Variants in PTPRD observed in about 807,000 individuals in gnomAD.
PTPRD encodes the protein protein tyrosine phosphatase receptor type D, also known as receptor-type tyrosine-protein phosphatase delta.
A neutral mutation model predicts 214.5 loss-of-function variants in PTPRD; 34 were observed. That is an observed-to-expected ratio of 0.16 (90% CI 0.12 to 0.21). PTPRD has a LOEUF of 0.21. Among genes scored for constraint, PTPRD ranks in the 10% least tolerant of loss-of-function variants. PTPRD has a pLI of 1.00. For missense variants in PTPRD, 2,545 were observed against 2,398.7 expected, an observed-to-expected ratio of 1.06 and a Z score of -1.27; for synonymous variants, 1,128 against 845.7, an observed-to-expected ratio of 1.33 and a Z score of -5.79.
intron 26 of PTPRD, among the ~76,000 whole-genome samples, chr9:8,493,258 T>C (rs1001606808): frequency 2.0e-5 from 3 of 152,328 alleles, no homozygotes; most frequent in East Asian, 1.9e-4. Flanking sequence ...TAAACTTGCA[T>C]GTCCTTACTA....
chr9:10,559,936 T>C (rs1205612658), intron 2 of PTPRD, among the ~76,000 whole-genome samples: 2 of 152,052 alleles, frequency 1.3e-5, no homozygotes, highest in South Asian at 2.1e-4. Context: ...TATGGAGAAA[T>C]AGGAACACTT....
rs369644814 is a variant in PTPRD, at chr9:9,214,749, A to C, written c.-202-31386T>G. Among the ~76,000 whole-genome samples the C allele has an allele frequency of 2.0e-5, 3 of 152,304 alleles. No individual in the cohort carries two copies. The East Asian group carries it at 5.8e-4, about 29-fold the overall frequency. ...TGCAAAGATACATTATAAAAATAATATTCATACGTACATTTACATAGTGCC... is the reference window on the plus strand; with the variant it reads ...TGCAAAGATACATTATAAAAATAATCTTCATACGTACATTTACATAGTGCC... On this transcript the variant is annotated intron_variant, in intron 9 of 45. Transcript: ENST00000381196.
chr9:9,951,123 G>T (rs2093414913), intron 4 of PTPRD, among the ~76,000 whole-genome samples: 1 of 152,146 alleles, frequency 6.6e-6, no homozygotes, highest in Non-Finnish European at 1.5e-5. Context: ...GATGTAGGAG[G>T]AGGGTGAAAT....
At chr9:9,883,970 T>C (rs73400654) in intron 5 of PTPRD, among the ~76,000 whole-genome samples, 1 of 152,156 alleles carries the variant, frequency 6.6e-6, no homozygotes, top group South Asian at 2.1e-4. Context: ...TTTCTTCCTT[T>C]TTTTTAAAGT....
chr9:9,913,501 T>G (rs986115701), intron 5 of PTPRD, among the ~76,000 whole-genome samples: 1 of 152,076 alleles, frequency 6.6e-6, no homozygotes, highest in Non-Finnish European at 1.5e-5. Flanking sequence ...AATAAACAGC[T>G]AAGATTGGAC....
intron 9 of PTPRD, among the ~76,000 whole-genome samples, chr9:9,305,197 T>G (rs889773861): frequency 6.6e-6 from 1 of 151,892 alleles, no homozygotes; most frequent in African/African-American, 2.4e-5. Context: ...TTTTCCAAAA[T>G]TGTCTTCGTA....
At chr9:9,150,331 T>C (rs192935303) in intron 10 of PTPRD, among the ~76,000 whole-genome samples, 5 of 151,560 alleles carry the variant, frequency 3.3e-5, no homozygotes, top group African/African-American at 9.7e-5. Context: ...TGTGCTAGCG[T>C]AGGGTTGGGG....
intron 7 of PTPRD, among the ~76,000 whole-genome samples, chr9:9,575,775 G>GAAAAA (rs1461191003): frequency 1.7e-5 from 1 of 60,062 alleles, no homozygotes; most frequent in Non-Finnish European, 3.6e-5. Context: ...AAAAGAAAAA[G>GAAAAA]AAAGAAAAAG....
intron 3 of PTPRD, among the ~76,000 whole-genome samples, chr9:10,337,342 A>C (rs1036755729): frequency 6.6e-6 from 1 of 151,714 alleles, no homozygotes. Flanking sequence ...ATGCTATTCA[A>C]CGTAGCACAC....
intron 11 of PTPRD, among the ~76,000 whole-genome samples, chr9:8,738,892 A>C (rs1220377238): frequency 6.6e-6 from 1 of 152,232 alleles, no homozygotes; most frequent in Non-Finnish European, 1.5e-5. Context: ...TCTCAGAAGC[A>C]ATATCATAAT....
intron 30 of PTPRD, among the ~76,000 whole-genome samples, 180 bp from the exon 31 acceptor site, chr9:8,471,265 G>T (rs536897875): frequency 1.9e-4 from 29 of 152,034 alleles, no homozygotes; most frequent in Non-Finnish European, 3.8e-4. Flanking sequence ...AACAACACGG[G>T]AAGACATTTA....
intron 2 of PTPRD, among the ~76,000 whole-genome samples, chr9:10,594,004 G>C (rs189913049): frequency 6.6e-6 from 1 of 151,782 alleles, no homozygotes. Context: ...TTATTAAAAC[G>C]GGAAGTATTG....
intron 4 of PTPRD, among the ~76,000 whole-genome samples, chr9:9,960,627 A>G (rs1193039112): frequency 6.6e-6 from 1 of 152,152 alleles, no homozygotes; most frequent in Non-Finnish European, 1.5e-5. Context: ...CCAACAACCA[A>G]TTATCTTAAT....
At chr9:8,593,987 G>A (rs745625156) in intron 14 of PTPRD, among the ~76,000 whole-genome samples, 2 of 152,158 alleles carry the variant, frequency 1.3e-5, no homozygotes, top group African/African-American at 2.4e-5. Context: ...ACATATAGTA[G>A]TTATGCATAT....
intron 39 of PTPRD, among the ~76,000 whole-genome samples, chr9:8,352,569 A>G (rs571793683): frequency 6.6e-6 from 1 of 152,292 alleles, no homozygotes; most frequent in Admixed American, 6.5e-5. Context: ...GGAAGTTACA[A>G]TCACATGGAC....
At chr9:8,924,877 A>C (rs976303772) in intron 11 of PTPRD, among the ~76,000 whole-genome samples, 1 of 152,160 alleles carries the variant, frequency 6.6e-6, no homozygotes, top group Non-Finnish European at 1.5e-5. Flanking sequence ...TGAAATTTCA[A>C]AAAGCTGGGT....
At chr9:9,180,904 T>A (rs532489267) in intron 10 of PTPRD, among the ~76,000 whole-genome samples, 1 of 152,234 alleles carries the variant, frequency 6.6e-6, no homozygotes, top group South Asian at 2.1e-4. Context: ...AAGTTGGAAC[T>A]GAAAAGAGCC....
At chr9:8,804,912 G>A (rs1372504319) in intron 11 of PTPRD, among the ~76,000 whole-genome samples, 1 of 152,094 alleles carries the variant, frequency 6.6e-6, no homozygotes, top group Non-Finnish European at 1.5e-5. Context: ...ATAACATCCT[G>A]GGCTTTCTAA....
At chr9:10,516,112 A>G (rs2050015002) in intron 2 of PTPRD, among the ~76,000 whole-genome samples, 1 of 151,990 alleles carries the variant, frequency 6.6e-6, no homozygotes, top group Non-Finnish European at 1.5e-5. Context: ...TTGATGGGTC[A>G]TATGGTAGCT....
Sources: allele counts gnomAD v4.1 joint callset (sites outside exome capture counted in the v4.1 genomes callset), GRCh38; gene constraint gnomAD v4.1.1; transcripts MANE v1.5; gene names NCBI Gene and HGNC (gene_info 2026-07-23, HGNC 2026-07-21).